The following TNFRSF19 variants were observed in gnomAD, a reference collection of about 807,000 sequenced individuals.
The protein encoded by TNFRSF19 is tumor necrosis factor receptor superfamily member 19.
A neutral mutation model predicts 46.4 loss-of-function variants in TNFRSF19; 27 were observed. That is an observed-to-expected ratio of 0.58 (90% confidence interval 0.43 to 0.80). The LOEUF (loss-of-function observed/expected upper bound fraction) is 0.80, where lower values mean the gene tolerates loss of function less well. Among genes scored for constraint, TNFRSF19 ranks in the 30% least tolerant of loss-of-function variants. The pLI, the probability that TNFRSF19 is intolerant of heterozygous loss-of-function variation, is 0.00. For synonymous variants in TNFRSF19, 204 were observed against 205.0 expected, an observed-to-expected ratio of 1.00 and a Z score of 0.04; for missense variants, 511 against 530.8, an observed-to-expected ratio of 0.96 and a Z score of 0.37.
At chr13:23,651,245 T>C (rs770773102) in intron 5 of TNFRSF19, among the ~76,000 whole-genome samples, 5 of 152,212 alleles carry the variant, frequency 3.3e-5, no homozygotes, top group Admixed American at 6.5e-5. Context: ...ATGGATTGAA[T>C]TGTAGTTTAC....
chr13:23,582,891 A>T (rs1457557033), intron 1 of TNFRSF19, among the ~76,000 whole-genome samples: 1 of 152,250 alleles, frequency 6.6e-6, no homozygotes, highest in Admixed American at 6.5e-5. Context: ...TATTACAGGT[A>T]TCAAAAGTTA....
intron 3 of TNFRSF19, among the ~76,000 whole-genome samples, chr13:23,602,484 T>G (rs73446483): frequency 0.15 from 22,515 of 152,074 alleles, 2,096 homozygotes; most frequent in African/African-American, 0.25. Flanking sequence ...ATGGACATAG[T>G]TGGACTCAAC....
At chr13:23,584,588 C>A (rs1221199232) in intron 1 of TNFRSF19, among the ~76,000 whole-genome samples, 1 of 148,938 alleles carries the variant, frequency 6.7e-6, no homozygotes, top group East Asian at 2.0e-4. Flanking sequence ...TGGGTAGATA[C>A]CCAGTAGTGG....
chr13:23,667,225 T>G (rs961098471), intron 7 of TNFRSF19, among the ~76,000 whole-genome samples: 10 of 152,098 alleles, frequency 6.6e-5, no homozygotes, highest in African/African-American at 2.2e-4. Flanking sequence ...AGAAGATTTA[T>G]TTTTAAATTT....
chr13:23,572,203 G>A (rs1247666661), intron 1 of TNFRSF19, among the ~76,000 whole-genome samples: 6 of 152,088 alleles, frequency 3.9e-5, no homozygotes, highest in Non-Finnish European at 5.9e-5. Flanking sequence ...TTTTTAAAGT[G>A]TGTCATTAAT....
In TNFRSF19 at chr13:23,655,826, G is replaced by GT. The variant is rs201237931; in HGVS notation, c.446-3217dup. The stretch of plus-strand genomic sequence containing the variant: ...AGTCATAAAGAATTATAAGAAAATA[G>GT]TTTTTTTACTAGAAACTAAAAAGAA... On this transcript the variant is annotated intron_variant, in intron 5 of 9. Coordinates refer to ENST00000248484, the MANE Select transcript of TNFRSF19 (RefSeq NM_148957.4). 8.0e-3 allele frequency among the ~76,000 whole-genome samples: 1,211 copies of GT among 151,216 alleles called. 17 individuals are homozygous for GT. The highest frequency in any genetic ancestry group is 0.028 in the African/African-American group (1,129 of 41,046).
At chr13:23,586,223 A>G (rs1878819699) in intron 1 of TNFRSF19, among the ~76,000 whole-genome samples, 1 of 141,126 alleles carries the variant, frequency 7.1e-6, no homozygotes, top group Non-Finnish European at 1.5e-5. Context: ...ACACTACTGC[A>G]CTCCAGCCTG....
chr13:23,577,235 T>C (rs1878022928), intron 1 of TNFRSF19, among the ~76,000 whole-genome samples: 1 of 152,234 alleles, frequency 6.6e-6, no homozygotes, highest in Admixed American at 6.5e-5. Context: ...TGTTGTAAGC[T>C]AACAGGCTAA....
At position 23,658,956 on chromosome 13, in the gene TNFRSF19, G is replaced by A. The variant is rs1884160330; in HGVS notation, c.446-94G>A. ...TCTCATGCCAGTTTTCTCACAGCAT[G>A]GGAAGGCCACTGGTAAGGGTGCCTG... On this transcript the variant is annotated intron_variant, in intron 5 of 9. Transcript: ENST00000248484. The A allele has an allele frequency of 3.3e-6, 5 of 1,525,300 alleles. No individual in the cohort carries two copies. In the South Asian group the frequency reaches 4.5e-5, roughly 14 times the overall value. The allele number at this position is 1,525,300 out of a possible 1,614,324, so 94.5% of individuals were successfully genotyped here. A position where few individuals can be genotyped will look rare whatever the true frequency, so the allele number is the denominator to read the frequency against.
At chr13:23,617,216 G>A (rs1881360417) in intron 4 of TNFRSF19, among the ~76,000 whole-genome samples, 1 of 152,206 alleles carries the variant, frequency 6.6e-6, no homozygotes, top group South Asian at 2.1e-4. Context: ...GGCCAAGGGA[G>A]TGGCAGAGAG....
intron 3 of TNFRSF19, among the ~76,000 whole-genome samples, chr13:23,595,843 T>A (rs1879681871): frequency 1.3e-5 from 2 of 152,072 alleles, no homozygotes. Flanking sequence ...GGAAAAAATG[T>A]TAAGGGCAGC....
chr13:23,633,707 C>T (rs576290808), intron 5 of TNFRSF19, among the ~76,000 whole-genome samples: 9 of 152,062 alleles, frequency 5.9e-5, no homozygotes, highest in South Asian at 4.1e-4. Flanking sequence ...AAATTAGCTG[C>T]GCGTGGTGGC....
intron 5 of TNFRSF19, among the ~76,000 whole-genome samples, chr13:23,644,389 T>G (rs550712680): frequency 6.6e-6 from 1 of 152,316 alleles, no homozygotes; most frequent in South Asian, 2.1e-4. Flanking sequence ...TCTCACAAGA[T>G]CTGATGGTTT....
Position 23,675,223 on chromosome 13 carries a change from C to T in TNFRSF19, c.*1843C>T, listed in dbSNP as rs768689943. 3 of 152,188 alleles carry T rather than the reference C, an allele frequency of 2.0e-5. No individual in the cohort carries two copies. Among genetic ancestry groups the T allele is most frequent in the Non-Finnish European group, 2.9e-5 (2 of 68,034 alleles). The allele number at this position is 152,188 out of a possible 1,614,324, so 9.4% of individuals were successfully genotyped here. On this transcript the variant is annotated 3_prime_UTR_variant, in exon 10 of 10. Transcript: ENST00000248484. ...CCTCGCGTGACCTCACCATGATTCACATACGTGCCACTGTTTGAAATCTGG... is the reference window on the plus strand; with the variant it reads ...CCTCGCGTGACCTCACCATGATTCATATACGTGCCACTGTTTGAAATCTGG...
intron 3 of TNFRSF19, among the ~76,000 whole-genome samples, chr13:23,596,202 C>T (rs998488576): frequency 2.0e-5 from 3 of 152,144 alleles, no homozygotes; most frequent in Non-Finnish European, 4.4e-5. Context: ...ACTGCATCAA[C>T]AGGCAAAATA....
intron 1 of TNFRSF19, among the ~76,000 whole-genome samples, chr13:23,587,901 T>A (rs1202590133): frequency 6.6e-6 from 1 of 152,236 alleles, no homozygotes; most frequent in Admixed American, 6.5e-5. Context: ...AGTCTTCAGA[T>A]GCCTTCTGCA....
intron 1 of TNFRSF19, among the ~76,000 whole-genome samples, chr13:23,574,556 A>AGGAG (rs1877839215): frequency 6.6e-6 from 1 of 152,142 alleles, no homozygotes; most frequent in Non-Finnish European, 1.5e-5. Context: ...TCCCTAAGCC[A>AGGAG]TGAAGGCATA....
intron 3 of TNFRSF19, among the ~76,000 whole-genome samples, chr13:23,600,743 A>G (rs1281403196): frequency 6.6e-6 from 1 of 152,098 alleles, no homozygotes; most frequent in Admixed American, 6.6e-5. Context: ...TTTAAGGGAG[A>G]GGCACTGGGG....
intron 3 of TNFRSF19, among the ~76,000 whole-genome samples, chr13:23,593,950 G>A (rs2138190389): frequency 6.6e-6 from 1 of 152,264 alleles, no homozygotes; most frequent in East Asian, 1.9e-4. Context: ...GCCCATGGAG[G>A]GTGAGCCAAA....
Sources: gnomAD v4.1 joint callset for allele counts (sites outside exome capture counted in the v4.1 genomes callset) on GRCh38, gnomAD v4.1.1 for gene constraint, MANE v1.5 for transcripts, NCBI Gene and HGNC (gene_info 2026-07-23, HGNC 2026-07-21) for gene names.